The following MRPL24 variants were observed in gnomAD, a reference collection of about 807,000 sequenced individuals.
MRPL24 encodes mitochondrial ribosomal protein L24.
Under a neutral mutation model 26.9 loss-of-function variants are expected in MRPL24, and 15 were observed. The observed-to-expected ratio is 0.56, with a 90% confidence interval of 0.37 to 0.86. The LOEUF (loss-of-function observed/expected upper bound fraction) is 0.86. Ranked by LOEUF, MRPL24 falls within the 40% of genes least tolerant of loss-of-function variation. The pLI is 0.00. For synonymous variants in MRPL24, 92 were observed against 102.4 expected (o/e 0.90, Z 0.62); for missense variants, 241 against 281.4 (o/e 0.86, Z 1.03).
chr1:156,742,700 GA>G (rs1650212354), upstream of MRPL24: 1 of 154,576 alleles, frequency 6.5e-6, no homozygotes, highest in Non-Finnish European at 1.5e-5. Flanking sequence ...TCTAAAGGGG[GA>G]CAGATGCTCA....
chr1:156,739,096 G>C (rs1163728248), intron 1 of MRPL24, among the ~76,000 whole-genome samples: 1 of 152,168 alleles, frequency 6.6e-6, no homozygotes, highest in Non-Finnish European at 1.5e-5. Context: ...ATGAACAGCA[G>C]GATAGGAAGA....
At position 156,737,790 on chromosome 1, in the gene MRPL24, G is replaced by C. The variant is rs200573980; in HGVS notation, c.384-14C>G. On this transcript the variant is annotated splice_polypyrimidine_tract_variant and intron_variant, in intron 4 of 5. Transcript: ENST00000361531. ...TCAGTGGGTTTCCTGGTGGATAGAAGAGGTGAGCCTGGCCTACGAGCCAGG... is the reference window on the plus strand; with the variant it reads ...TCAGTGGGTTTCCTGGTGGATAGAACAGGTGAGCCTGGCCTACGAGCCAGG... The C allele has an allele frequency of 1.1e-3, 1,734 of 1,613,810 alleles. 1 individual carries two copies. Among genetic ancestry groups the C allele is most frequent in the Non-Finnish European group, 1.3e-3 (1,583 of 1,179,872 alleles).
At chr1:156,742,189 A>G (rs951884003), upstream of MRPL24, 1 of 152,744 alleles carries the variant, frequency 6.5e-6, no homozygotes. Flanking sequence ...TACAGTCAGC[A>G]ATTTTTCATC....
At chr1:156,737,931 C>T (rs377191595) in intron 4 of MRPL24, 100 bp downstream of exon 4, 2 of 1,426,622 alleles carry the variant, frequency 1.4e-6, no homozygotes, top group Non-Finnish European at 1.9e-6. Context: ...ATGAGATGGT[C>T]CCTCTTAATT....
At chr1:156,739,133 G>A (rs768966533) in intron 1 of MRPL24, among the ~76,000 whole-genome samples, 12 of 152,106 alleles carry the variant, frequency 7.9e-5, no homozygotes, top group African/African-American at 1.4e-4. Context: ...GCTGGCATAC[G>A]GCCAAAAGGT....
rs1053494970 is a variant in MRPL24 at position 156,738,333 on chromosome 1, C to G, written c.279+10G>C. The G allele has an allele frequency of 6.2e-7, 1 of 1,613,608 alleles. No homozygotes were observed. Among genetic ancestry groups the G allele is most frequent in the Non-Finnish European group, 8.5e-7 (1 of 1,179,656 alleles). On this transcript the variant is annotated intron_variant, in intron 3 of 5. Transcript: ENST00000361531. ...CTTCCTGAGCATCCCCATCCCCTCT[C>G]TCAACTTACTGTGTTCAGCCCTCCC...
intron 1 of MRPL24, among the ~76,000 whole-genome samples, chr1:156,739,775 C>T (rs1650017063): frequency 6.6e-6 from 1 of 151,962 alleles, no homozygotes; most frequent in African/African-American, 2.4e-5. Context: ...GATTCTCCTG[C>T]CTCAGCCTCC....
At position 156,738,361 on chromosome 1, in the gene MRPL24, G is replaced by A. The variant is rs749229582; in HGVS notation, c.261C>T (p.Val87=). ...AACTTACTGTGTTCAGCCCTCCCAC[G>A]ACCACCCAGTTTCGCTGCCGGATAA... The part of the protein sequence containing the change: ...VQVIRQRNWV[V]VGGLNTHYRY... The change falls in exon 3 of 6, where the codon GTC becomes GTT. Residue 87 remains valine, a synonymous_variant. Transcript: ENST00000361531. The A allele has an allele frequency of 2.4e-5, 38 of 1,613,770 alleles. No individual in the cohort carries two copies. In the Admixed American group the frequency reaches 3.5e-4, roughly 15 times the overall value.
chr1:156,740,697 A>C (rs1650060072), intron 1 of MRPL24: 1 of 152,136 alleles, frequency 6.6e-6, no homozygotes, highest in East Asian at 1.9e-4. Context: ...TCCAGGTCTG[A>C]ACCACCCCAG....
In MRPL24 at chr1:156,738,106, T is replaced by C. The variant is rs370054153; in HGVS notation, c.308A>G (p.Asp103Gly). 1 of 1,614,104 alleles carries C rather than the reference T, an allele frequency of 6.2e-7. No individual in the cohort carries two copies. Among genetic ancestry groups the C allele is most frequent in the Non-Finnish European group, 8.5e-7 (1 of 1,179,996 alleles). ...THYRYIGKTM[D>G]YRGTMIPSEA... is the part of the protein sequence containing the mutation. The stretch of plus-strand genomic sequence containing the variant: ...ACTAGGGATCATGGTTCCCCGGTAA[T>C]CCATGGTCTTGCCAATGTAGCGGTA... The change falls in exon 4 of 6, where the codon GAT (aspartate) becomes GGT (glycine). Residue 103 changes from aspartate to glycine, a missense_variant. Transcript: ENST00000361531.
Position 156,738,148 on chromosome 1 carries a change from G to T in MRPL24, c.280-14C>A. The stretch of plus-strand genomic sequence containing the variant: ...GTAGCGGTAATGCTGTCCAAGAGAG[G>T]GGAGTGTCAGAAAGCACGGGGTGTG... On this transcript the variant is annotated splice_polypyrimidine_tract_variant and intron_variant, in intron 3 of 5. Transcript: ENST00000361531. The T allele has an allele frequency of 6.2e-7, 1 of 1,613,244 alleles. No homozygotes were observed. The highest frequency in any genetic ancestry group is 8.5e-7 in the Non-Finnish European group (1 of 1,179,242).
chr1:156,740,098 A>G (rs998111592), intron 1 of MRPL24, among the ~76,000 whole-genome samples: 4 of 152,214 alleles, frequency 2.6e-5, no homozygotes, highest in Non-Finnish European at 4.4e-5. Context: ...TGTGGGGTAA[A>G]TATACAAATA....
intron 1 of MRPL24, among the ~76,000 whole-genome samples, chr1:156,739,087 T>C (rs575074799): frequency 6.6e-6 from 1 of 152,126 alleles, no homozygotes; most frequent in Non-Finnish European, 1.5e-5. Flanking sequence ...AATCAATGTA[T>C]GAACAGCAGG....
intron 1 of MRPL24, chr1:156,740,414 T>C (rs1371903336): frequency 6.6e-6 from 1 of 152,148 alleles, no homozygotes; most frequent in East Asian, 1.9e-4. Context: ...GGCCTAAGTG[T>C]TCCTGTGAGT....
chr1:156,737,387 C>T lies in MRPL24; in HGVS notation c.*11G>A, dbSNP rs757708779. ...GGACAGAAGTTGGGGAGGAGCTGCT[C>T]TGCCCCAGGCTCAATACCAATAGAC... On this transcript the variant is annotated 3_prime_UTR_variant, in exon 6 of 6. Transcript: ENST00000361531. 1 of 1,552,522 alleles carries T rather than the reference C, an allele frequency of 6.4e-7. No individual in the cohort carries two copies. The highest frequency in any genetic ancestry group is 1.4e-5 in the African/African-American group (1 of 72,366).
intron 2 of MRPL24, 36 bp downstream of exon 2, chr1:156,738,486 T>C: frequency 1.2e-6 from 2 of 1,613,110 alleles, no homozygotes; most frequent in Non-Finnish European, 1.7e-6. Context: ...GCCCAGGAGG[T>C]TCCCCATCAC....
chr1:156,737,631 G>A lies in MRPL24; in HGVS notation c.514+15C>T. 1.2e-6 allele frequency: 2 copies of A among 1,613,952 alleles called. No individual in the cohort carries two copies. Among genetic ancestry groups the A allele is most frequent in the Non-Finnish European group, 1.7e-6 (2 of 1,179,920 alleles). ...CCTAGCACCCACCCCTGACCTTCCT[G>A]CCCCTCACTCTCACCAATCCACGTT... On this transcript the variant is annotated intron_variant, in intron 5 of 5. Transcript: ENST00000361531.
At chr1:156,738,810 C>T in intron 1 of MRPL24, 46 bp from the exon 2 acceptor site, 1 of 1,086,546 alleles carries the variant, frequency 9.2e-7, no homozygotes, top group East Asian at 2.5e-5. Context: ...AGGGAAGGAA[C>T]ATTTTTTAAA....
At chr1:156,741,931 G>A (rs990660956), upstream of MRPL24, among the ~76,000 whole-genome samples, 5 of 152,148 alleles carry the variant, frequency 3.3e-5, no homozygotes, top group African/African-American at 9.7e-5. Context: ...AATGAATGGT[G>A]TGGTTTATTC....
Sources: allele counts gnomAD v4.1 joint callset (sites outside exome capture counted in the v4.1 genomes callset), GRCh38; gene constraint gnomAD v4.1.1; transcripts MANE v1.5; gene names NCBI Gene and HGNC (gene_info 2026-07-23, HGNC 2026-07-21).